Variants in ARID1B observed in about 807,000 individuals in gnomAD.
ARID1B encodes AT-rich interaction domain 1B.
Under a neutral mutation model 212.3 loss-of-function variants are expected in ARID1B, and 30 were observed. The ratio of observed to expected loss-of-function variants is 0.14; its 90% CI spans 0.11 to 0.19. The LOEUF is 0.19. ARID1B is among the 10% of genes least tolerant of loss of function. The pLI, the probability that ARID1B is intolerant of heterozygous loss-of-function variation, is 1.00. For synonymous variants in ARID1B, 1,402 were observed against 1,301.7 expected (o/e 1.08, Z -1.66); for missense variants, 2,891 against 3,204.0 (o/e 0.90, Z 2.36).
At chr6:156,906,230 AG>A (rs1789362698) in intron 3 of ARID1B, among the ~76,000 whole-genome samples, 1 of 152,092 alleles carries the variant, frequency 6.6e-6, no homozygotes, top group Non-Finnish European at 1.5e-5. Flanking sequence ...TCTAGGAGAC[AG>A]GAGGATTGAA....
intron 5 of ARID1B, among the ~76,000 whole-genome samples, chr6:157,106,360 A>G (rs1228752058): frequency 6.6e-6 from 1 of 152,236 alleles, no homozygotes; most frequent in Non-Finnish European, 1.5e-5. Flanking sequence ...GATGTTGGGC[A>G]GCCTGCATCC....
intron 2 of ARID1B, among the ~76,000 whole-genome samples, chr6:156,880,229 A>T (rs1319437052): frequency 6.6e-6 from 1 of 152,174 alleles, no homozygotes; most frequent in Non-Finnish European, 1.5e-5. Context: ...GATAAGAGAG[A>T]GAAGGGAGGA....
At chr6:157,003,227 C>T (rs1779008271) in intron 4 of ARID1B, among the ~76,000 whole-genome samples, 1 of 152,102 alleles carries the variant, frequency 6.6e-6, no homozygotes. Context: ...TTCCTGACTG[C>T]CATGTGGAGA....
intron 4 of ARID1B, among the ~76,000 whole-genome samples, chr6:157,061,202 T>C (rs1482127258): frequency 2.6e-5 from 4 of 152,260 alleles, no homozygotes; most frequent in Non-Finnish European, 5.9e-5. Context: ...CATATATTTA[T>C]TTTTACTGCA....
chr6:156,977,633 C>T (rs1777338952), intron 4 of ARID1B, among the ~76,000 whole-genome samples: 1 of 152,002 alleles, frequency 6.6e-6, no homozygotes, highest in South Asian at 2.1e-4. Context: ...CTTTGTTGTT[C>T]TGTGTACATT....
intron 3 of ARID1B, among the ~76,000 whole-genome samples, chr6:156,905,246 G>GCACACACACACACACA (rs1332724351): frequency 2.1e-4 from 16 of 76,044 alleles, no homozygotes; most frequent in African/African-American, 1.2e-3. Flanking sequence ...GCTCACATAT[G>GCACACACACACACACA]CACGCACACA....
chr6:157,196,614 T>C (rs1165568417), intron 16 of ARID1B, among the ~76,000 whole-genome samples: 2 of 152,158 alleles, frequency 1.3e-5, no homozygotes, highest in Non-Finnish European at 2.9e-5. Flanking sequence ...CCCAGCTTCC[T>C]TCTGAGGGAC....
At chr6:156,897,261 C>CTTATTATTA (rs1299353702) in intron 2 of ARID1B, among the ~76,000 whole-genome samples, 1,195 of 92,388 alleles carry the variant, frequency 0.013, 9 homozygotes, top group Admixed American at 0.022. Flanking sequence ...TCTTCTTCTT[C>CTTATTATTA]TTCTTATTAT....
chr6:157,140,231 A>G (rs1789247124), intron 7 of ARID1B, among the ~76,000 whole-genome samples: 1 of 152,012 alleles, frequency 6.6e-6, no homozygotes, highest in African/African-American at 2.4e-5. Flanking sequence ...GCACTTTGGG[A>G]GGCTGAGGTG....
intron 5 of ARID1B, among the ~76,000 whole-genome samples, chr6:157,101,459 G>A (rs1466712716): frequency 6.6e-6 from 1 of 152,128 alleles, no homozygotes; most frequent in Non-Finnish European, 1.5e-5. Context: ...TATGAAGAGG[G>A]CCCAAGTACT....
intron 13 of ARID1B, chr6:157,184,639 T>G: frequency 3.4e-5 from 21 of 616,640 alleles, no homozygotes; most frequent in Non-Finnish European, 4.3e-5. Context: ...ATATGGCCAT[T>G]TCTGGTTGAC....
intron 2 of ARID1B, among the ~76,000 whole-genome samples, chr6:156,887,970 T>C (rs1193200488): frequency 2.0e-5 from 3 of 152,170 alleles, no homozygotes; most frequent in Non-Finnish European, 4.4e-5. Context: ...CTTTTAAAAT[T>C]CTAGTCCTCT....
intron 4 of ARID1B, among the ~76,000 whole-genome samples, chr6:157,052,675 A>AAC (rs1782686446): frequency 6.6e-6 from 1 of 152,218 alleles, no homozygotes; most frequent in Non-Finnish European, 1.5e-5. Context: ...AGATTGGACA[A>AAC]ACATAGCAAC....
At chr6:156,844,381 A>C (rs1228940170) in intron 2 of ARID1B, among the ~76,000 whole-genome samples, 2 of 152,256 alleles carry the variant, frequency 1.3e-5, no homozygotes, top group Non-Finnish European at 1.5e-5. Context: ...GTATGTCTCT[A>C]AACATTGTTT....
chr6:157,074,523 C>A (rs899254590), intron 4 of ARID1B, among the ~76,000 whole-genome samples: 1 of 152,074 alleles, frequency 6.6e-6, no homozygotes, highest in Non-Finnish European at 1.5e-5. Context: ...CCATGCCCGG[C>A]CAATTTACAG....
intron 2 of ARID1B, among the ~76,000 whole-genome samples, chr6:156,844,548 T>C (rs1784101644): frequency 6.6e-6 from 1 of 152,244 alleles, no homozygotes; most frequent in African/African-American, 2.4e-5. Context: ...TGGTGACTTT[T>C]GCCTTTGGAA....
chr6:157,107,977 TTC>T (rs1187345555), intron 5 of ARID1B: 1 of 152,190 alleles, frequency 6.6e-6, no homozygotes, highest in East Asian at 1.9e-4. Context: ...CAAATGCATT[TTC>T]TGAGTCATCA....
intron 3 of ARID1B, among the ~76,000 whole-genome samples, chr6:156,922,287 C>G (rs1017119022): frequency 6.6e-6 from 1 of 151,422 alleles, no homozygotes; most frequent in Admixed American, 6.6e-5. Flanking sequence ...GTTCTCCTGT[C>G]TCAGCCTCCC....
intron 4 of ARID1B, among the ~76,000 whole-genome samples, chr6:157,034,923 G>A (rs529947103): frequency 3.9e-5 from 6 of 152,266 alleles, no homozygotes; most frequent in Middle Eastern, 3.4e-3. Context: ...TCGTTTAAAG[G>A]TATATTAAGA....
Sources: gnomAD v4.1 joint callset for allele counts (sites outside exome capture counted in the v4.1 genomes callset) on GRCh38, gnomAD v4.1.1 for gene constraint, MANE v1.5 for transcripts, NCBI Gene and HGNC (gene_info 2026-07-23, HGNC 2026-07-21) for gene names.